DOHH: variants seen among roughly 807,000 people sequenced by gnomAD.
DOHH encodes the protein deoxyhypusine hydroxylase.
DOHH carries 16 observed loss-of-function variants against 19.9 expected under a neutral mutation model. The ratio of observed to expected loss-of-function variants is 0.80; its 90% CI spans 0.54 to 1.22. The LOEUF (loss-of-function observed/expected upper bound fraction) is 1.22, where lower values mean the gene tolerates loss of function less well. DOHH is among the 50% of genes most tolerant of loss of function. The pLI, the probability that DOHH is intolerant of heterozygous loss-of-function variation, is 0.00. For missense variants in DOHH, 460 were observed against 460.6 expected (o/e 1.00, Z 0.01); for synonymous variants, 233 against 217.0 (o/e 1.07, Z -0.65).
intron 1 of DOHH, among the ~76,000 whole-genome samples, chr19:3,498,313 C>T (rs1037469400): frequency 6.6e-6 from 1 of 152,210 alleles, no homozygotes; most frequent in African/African-American, 2.4e-5. Context: ...CTAAAAGAGC[C>T]AGTGCCCTCA....
Position 3,500,624 on chromosome 19 carries a change from G to C in DOHH, c.-136C>G, listed in dbSNP as rs371812369. 2 of 152,412 alleles carry C rather than the reference G, an allele frequency of 1.3e-5. No individual in the cohort carries two copies. Among genetic ancestry groups the C allele is most frequent in the East Asian group, 1.9e-4 (1 of 5,176 alleles). 9.4% of individuals were successfully genotyped at this position (152,412 alleles called of 1,614,324 possible). A position where few individuals can be genotyped will look rare whatever the true frequency, so the allele number is the denominator to read the frequency against. On this transcript the variant is annotated 5_prime_UTR_variant, in exon 1 of 5. Coordinates refer to ENST00000427575, the MANE Select transcript of DOHH (RefSeq NM_001145165.2). ...AACCGCAGGCGCCTCTGCCACCACCGCTTCACCTGCCGCGACGCCCGCAGT... is the reference window on the plus strand; with the variant it reads ...AACCGCAGGCGCCTCTGCCACCACCCCTTCACCTGCCGCGACGCCCGCAGT...
intron 3 of DOHH, among the ~76,000 whole-genome samples, chr19:3,493,420 T>G (rs757428386): frequency 1.3e-5 from 2 of 152,148 alleles, no homozygotes; most frequent in African/African-American, 2.4e-5. Flanking sequence ...CCATCCTGGC[T>G]AACATGGTGA....
At chr19:3,499,802 C>G (rs1040423218) in intron 1 of DOHH, among the ~76,000 whole-genome samples, 5 of 152,118 alleles carry the variant, frequency 3.3e-5, no homozygotes, top group African/African-American at 1.2e-4. Context: ...AAACGACAAC[C>G]GTGACAATAG....
chr19:3,494,569 T>G (rs1211021377), intron 2 of DOHH, among the ~76,000 whole-genome samples: 1 of 152,170 alleles, frequency 6.6e-6, no homozygotes. Context: ...ACTCCAGAAT[T>G]TGGGGCCACT....
In DOHH at chr19:3,491,588, C is replaced by A; in HGVS notation, c.813G>T (p.Glu271Asp). The part of the protein sequence containing the change: ...HADDPERVVR[E>D]SCEVALDMYE... ...ACATGTCCAGAGCCACCTCGCAGCT[C>A]TCACGCACCACGCGCTCTGGGTCGT... Residue 271 changes from glutamate (E) to aspartate (D), a missense_variant, in exon 5 of 5, where the codon GAG (glutamate) becomes GAT (aspartate). Physicochemically the swap from Glu to Asp is conservative, Grantham distance 45. Coordinates refer to ENST00000427575, the MANE Select transcript of DOHH (RefSeq NM_001145165.2). The surrounding 1 kb of genome is among the most constrained non-coding windows in gnomAD (Gnocchi z 5.6). 6.5e-7 allele frequency: 1 copy of A among 1,535,998 alleles called. No individual in the cohort carries two copies. Among genetic ancestry groups the A allele is most frequent in the Non-Finnish European group, 8.7e-7 (1 of 1,146,664 alleles).
In DOHH at chr19:3,491,487, G is replaced by C. The variant is rs988212159; in HGVS notation, c.*5C>G. On this transcript the variant is annotated 3_prime_UTR_variant, in exon 5 of 5. Transcript: ENST00000427575. This position sits in a 1 kb window ranked among gnomAD's most constrained non-coding sequence, Gnocchi z 5.6. ...CCTCCGGGAGCTCCGGGTGAGGGTG[G>C]GGCCCTAGGAGGGGGCCCCGCGCAG... is the stretch of plus-strand genomic sequence containing the variant. 10 of 1,531,568 alleles carry C rather than the reference G, an allele frequency of 6.5e-6. No homozygotes were observed. In the Admixed American group the frequency reaches 8.0e-5, roughly 12 times the overall value. 94.9% of individuals were successfully genotyped at this position (1,531,568 alleles called of 1,614,324 possible).
Position 3,496,316 on chromosome 19 carries a change from TGA to T in DOHH, c.274+223_274+224del. 6.6e-6 allele frequency among the ~76,000 whole-genome samples: 1 copy of T among 152,180 alleles called. No homozygotes were observed. Among genetic ancestry groups the T allele is most frequent in the East Asian group, 1.9e-4 (1 of 5,194 alleles). On this transcript the variant is annotated intron_variant, in intron 2 of 4. Coordinates refer to ENST00000427575, the MANE Select transcript of DOHH (RefSeq NM_001145165.2). The surrounding 1 kb of genome is among the most constrained non-coding windows in gnomAD (Gnocchi z 4.8). ...CCTGAGCCACCGCCCCCTGCCCAGT[TGA>T]GGTTGTCTGGGCACACAGCCTTAGC...
At position 3,491,706 on chromosome 19, in the gene DOHH, C is replaced by T. The variant is rs2082871275; in HGVS notation, c.695G>A (p.Cys232Tyr). The T allele has an allele frequency of 2.6e-6, 4 of 1,524,210 alleles. No homozygotes were observed. The highest frequency in any genetic ancestry group is 3.5e-6 in the Non-Finnish European group (4 of 1,138,616). 94.4% of individuals were successfully genotyped at this position (1,524,210 alleles called of 1,614,324 possible). A position where few individuals can be genotyped will look rare whatever the true frequency, so the allele number is the denominator to read the frequency against. The change falls in exon 5 of 5, where the codon TGC (cysteine) becomes TAC (tyrosine). Residue 232 changes from cysteine (C) to tyrosine (Y), a missense_variant. Physicochemically the swap from Cys to Tyr is radical, Grantham distance 194. Transcript: ENST00000427575. This position sits in a 1 kb window ranked among gnomAD's most constrained non-coding sequence, Gnocchi z 5.6. ...VPQLAAALAR[C>Y]TENPMVRHEC... Reference sequence around the variant, plus strand: ...GTGCCGCACCATGGGGTTCTCGGTGCATCGGGCCAGGGCGGCCGCCAGCTG... The same window carrying T: ...GTGCCGCACCATGGGGTTCTCGGTGTATCGGGCCAGGGCGGCCGCCAGCTG...
At chr19:3,492,177 G>C (rs748043627) in intron 4 of DOHH, 85 bp downstream of exon 4, 1 of 1,250,774 alleles carries the variant, frequency 8.0e-7, no homozygotes, top group Non-Finnish European at 1.0e-6. Flanking sequence ...CCCGGGGGCA[G>C]GCCGCGGCCC....
At chr19:3,495,208 C>T (rs919257198) in intron 2 of DOHH, among the ~76,000 whole-genome samples, 2 of 151,982 alleles carry the variant, frequency 1.3e-5, no homozygotes, top group African/African-American at 2.4e-5. Flanking sequence ...AACTCCTGAC[C>T]TCAGGTGATC....
chr19:3,493,921 A>C, intron 3 of DOHH, 107 bp downstream of exon 3: 1 of 1,043,654 alleles, frequency 9.6e-7, no homozygotes, highest in Non-Finnish European at 1.4e-6. Context: ...CCTGGCAACC[A>C]GAGATGGGGA....
intron 1 of DOHH, among the ~76,000 whole-genome samples, chr19:3,498,749 G>C (rs1269118494): frequency 6.6e-6 from 1 of 152,148 alleles, no homozygotes; most frequent in Non-Finnish European, 1.5e-5. Context: ...GATGAAACAA[G>C]TTTTACTGGG....
At chr19:3,494,255 T>C (rs1364268751) in intron 2 of DOHH, 151 bp from the exon 3 acceptor site, 1 of 654,668 alleles carries the variant, frequency 1.5e-6, no homozygotes, top group Non-Finnish European at 2.6e-6. Context: ...CAGCAGTCGG[T>C]ACAGGCTCCC....
rs965945935 is a variant in DOHH at position 3,491,687 on chromosome 19, C to T, written c.714G>A (p.Val238=). Residue 238 remains valine, a synonymous_variant, in exon 5 of 5, where the codon GTG becomes GTA. Transcript: ENST00000427575. The surrounding 1 kb of genome is among the most constrained non-coding windows in gnomAD (Gnocchi z 5.6). ...ALARCTENPM[V]RHECAEALGA... is the part of the protein sequence containing the mutation. ...CCAGGGCCTCCGCGCACTCGTGCCG[C>T]ACCATGGGGTTCTCGGTGCATCGGG... 2 of 1,531,448 alleles carry T rather than the reference C, an allele frequency of 1.3e-6. No homozygotes were observed. The highest frequency in any genetic ancestry group is 1.2e-5 in the South Asian group (1 of 83,390). The allele number at this position is 1,531,448 out of a possible 1,614,324, so 94.9% of individuals were successfully genotyped here. A position where few individuals can be genotyped will look rare whatever the true frequency, so the allele number is the denominator to read the frequency against.
At position 3,493,052 on chromosome 19, in the gene DOHH, C is replaced by T. The variant is rs187675300; in HGVS notation, c.352-553G>A. 3.4e-4 allele frequency among the ~76,000 whole-genome samples: 52 copies of T among 152,318 alleles called. 2 individuals carry two copies. In the East Asian group the frequency reaches 8.5e-3, roughly 25 times the overall value. On this transcript the variant is annotated intron_variant, in intron 3 of 4. Transcript: ENST00000427575. The stretch of plus-strand genomic sequence containing the variant: ...GAGAAAGGAACATGCATGTCCGTGG[C>T]GGCATAACTCATAACAGCTAAAAAG...
At chr19:3,494,165 T>G in intron 2 of DOHH, 61 bp from the exon 3 acceptor site, 3 of 1,473,426 alleles carry the variant, frequency 2.0e-6, no homozygotes, top group Non-Finnish European at 2.8e-6. Flanking sequence ...AATGCCCGGC[T>G]ACCTCTGGGA....
Position 3,496,773 on chromosome 19 carries a change from C to T in DOHH, c.42G>A (p.Leu14=), listed in dbSNP as rs113976052. The change falls in exon 2 of 5, where the codon CTG becomes CTA. Residue 14 remains leucine (L), a synonymous_variant. Transcript: ENST00000427575. The surrounding 1 kb of genome is among the most constrained non-coding windows in gnomAD (Gnocchi z 4.8). ...CCTGCAGGGGCTGCTTGGGGTCCAC[C>T]AGCGTCTGCCCGATGGCATCCACCT... ...EQEVDAIGQT[L]VDPKQPLQAR... 3.7e-4 allele frequency: 596 copies of T among 1,604,984 alleles called. 4 individuals carry two copies. The African/African-American group carries it at 7.2e-3, about 19-fold the overall frequency.
In DOHH at chr19:3,491,502, GC is replaced by G; in HGVS notation, c.898del (p.Ala300ProfsTer28). ...YADGLEQLRGAPS is the reference protein window; with the variant it reads ...YADGLEQLRGXPS ...GGTGAGGGTGGGGCCCTAGGAGGGG[GC>G]CCCGCGCAGCTGCTCCAGGCCGTCC... On this transcript the variant is annotated frameshift_variant, in exon 5 of 5. Transcript: ENST00000427575. LOFTEE classifies it high-confidence loss of function. This position sits in a 1 kb window ranked among gnomAD's most constrained non-coding sequence, Gnocchi z 5.6. 2.0e-6 allele frequency: 3 copies of G among 1,533,844 alleles called. No individual in the cohort carries two copies. The highest frequency in any genetic ancestry group is 2.6e-6 in the Non-Finnish European group (3 of 1,146,234).
At position 3,496,065 on chromosome 19, in the gene DOHH, G is replaced by A. The variant is rs1056897371; in HGVS notation, c.274+476C>T. Among the ~76,000 whole-genome samples, 2 of 152,100 alleles carry A rather than the reference G, an allele frequency of 1.3e-5. No homozygotes were observed. The highest frequency in any genetic ancestry group is 4.8e-5 in the African/African-American group (2 of 41,420). On this transcript the variant is annotated intron_variant, in intron 2 of 4. Transcript: ENST00000427575. This position sits in a 1 kb window ranked among gnomAD's most constrained non-coding sequence, Gnocchi z 4.8. ...CTCACTCTGTTGCCCAGGCTGGAGT[G>A]CGGTGGCACGATCATGGCTCACTGC... is the stretch of plus-strand genomic sequence containing the variant.
Sources: gnomAD v4.1 joint callset for allele counts (sites outside exome capture counted in the v4.1 genomes callset) on GRCh38, gnomAD v4.1.1 for gene constraint, Gnocchi (gnomAD v3.1) non-coding constraint, MANE v1.5 for transcripts, NCBI Gene and HGNC (gene_info 2026-07-23, HGNC 2026-07-21) for gene names.